Variants in SLC1A3 observed in about 807,000 individuals in gnomAD.
SLC1A3 encodes solute carrier family 1 member 3.
A neutral mutation model predicts 48.1 loss-of-function variants in SLC1A3; 21 were observed. The observed-to-expected ratio is 0.44, with a 90% CI of 0.31 to 0.63. The LOEUF (loss-of-function observed/expected upper bound fraction) is 0.63, where lower values mean the gene tolerates loss of function less well. SLC1A3 is among the 20% of genes least tolerant of loss of function. The probability of loss-of-function intolerance (pLI) is 0.08; values close to 1 mark genes in which losing one functional copy is unlikely to be tolerated. For synonymous variants in SLC1A3, 239 were observed against 251.4 expected (o/e 0.95, Z 0.47); for missense variants, 546 against 689.0 (o/e 0.79, Z 2.32).
chr5:36,659,346 A>G (rs1741413433), intron 3 of SLC1A3, among the ~76,000 whole-genome samples: 1 of 152,242 alleles, frequency 6.6e-6, no homozygotes, highest in Non-Finnish European at 1.5e-5. Flanking sequence ...AGTGCCTGGC[A>G]GTAGGCTCTA....
At chr5:36,637,150 G>T (rs1740425842) in intron 3 of SLC1A3, among the ~76,000 whole-genome samples, 1 of 152,180 alleles carries the variant, frequency 6.6e-6, no homozygotes, top group Non-Finnish European at 1.5e-5. Context: ...TGCTCCCAGA[G>T]CTGATCCTGG....
chr5:36,620,202 A>G (rs529311390), intron 2 of SLC1A3, among the ~76,000 whole-genome samples: 1 of 152,290 alleles, frequency 6.6e-6, no homozygotes, highest in African/African-American at 2.4e-5. Flanking sequence ...TACAGGTTTG[A>G]TGTGAAAATT....
intron 2 of SLC1A3, chr5:36,612,862 C>G (rs184523453): frequency 2.2e-6 from 1 of 455,790 alleles, no homozygotes; most frequent in Admixed American, 2.4e-5. Context: ...TGCTATAACA[C>G]CCATTCTGGC....
intron 3 of SLC1A3, 143 bp downstream of exon 3, chr5:36,629,730 G>GTACT (rs1740064427): frequency 1.3e-6 from 1 of 772,670 alleles, no homozygotes; most frequent in South Asian, 1.5e-5. Flanking sequence ...CAAAATGATG[G>GTACT]AAAGGAGGCT....
intron 3 of SLC1A3, among the ~76,000 whole-genome samples, chr5:36,636,600 CTTT>C (rs11292001): frequency 1.2e-4 from 13 of 107,740 alleles, no homozygotes; most frequent in Non-Finnish European, 2.1e-4. Flanking sequence ...TTTCTTCTTT[CTTT>C]TTTTTTTTTT....
chr5:36,651,686 G>T (rs979605439), intron 3 of SLC1A3, among the ~76,000 whole-genome samples: 1 of 151,824 alleles, frequency 6.6e-6, no homozygotes, highest in African/African-American at 2.4e-5. Context: ...ACACAGTACA[G>T]TTAGGCAGCC....
intron 3 of SLC1A3, among the ~76,000 whole-genome samples, chr5:36,652,297 C>T (rs1012513575): frequency 6.7e-6 from 1 of 149,658 alleles, no homozygotes; most frequent in Non-Finnish European, 1.5e-5. Context: ...GCACTCCCAG[C>T]TCCAAGTGGC....
At chr5:36,606,326 T>C (rs963419505), upstream of SLC1A3, 6 of 152,278 alleles carry the variant, frequency 3.9e-5, no homozygotes, top group African/African-American at 1.4e-4. Context: ...AACGTTCTAA[T>C]CAAGACTTTC....
At chr5:36,629,668 T>A in intron 3 of SLC1A3, 81 bp downstream of exon 3, 1 of 1,259,526 alleles carries the variant, frequency 7.9e-7, no homozygotes, top group Non-Finnish European at 1.2e-6. Flanking sequence ...GCCAGTGCTT[T>A]AGGTTTCTGC....
At chr5:36,637,737 G>A (rs1378677014) in intron 3 of SLC1A3, among the ~76,000 whole-genome samples, 2 of 152,070 alleles carry the variant, frequency 1.3e-5, no homozygotes, top group East Asian at 3.9e-4. Context: ...GCAGGTTGGG[G>A]TTGGAGGTGG....
At chr5:36,650,239 T>C (rs940808319) in intron 3 of SLC1A3, among the ~76,000 whole-genome samples, 8 of 152,202 alleles carry the variant, frequency 5.3e-5, no homozygotes, top group Admixed American at 3.3e-4. Flanking sequence ...GGATTGTCTA[T>C]AGTCTGAGGG....
At chr5:36,659,504 A>G (rs1325864195) in intron 3 of SLC1A3, among the ~76,000 whole-genome samples, 1 of 152,208 alleles carries the variant, frequency 6.6e-6, no homozygotes, top group Non-Finnish European at 1.5e-5. Context: ...TGAATTCTCA[A>G]AAACATCCAT....
chr5:36,655,746 T>C lies in SLC1A3; in HGVS notation c.320-15283T>C, dbSNP rs76394284. 7.4e-3 allele frequency among the ~76,000 whole-genome samples: 1,130 copies of C among 152,304 alleles called. 18 individuals are homozygous for C. Among genetic ancestry groups the C allele is most frequent in the African/African-American group, 0.026 (1,088 of 41,556 alleles). On this transcript the variant is annotated intron_variant, in intron 3 of 9. Coordinates refer to ENST00000265113, the MANE Select transcript of SLC1A3 (RefSeq NM_004172.5). The stretch of plus-strand genomic sequence containing the variant: ...GTCATTTTATACATCATCAAGCCTT[T>C]TGGGTTCCTTGACCTCACTCACCAG...
At position 36,680,449 on chromosome 5, in the gene SLC1A3, C is replaced by T. The variant is rs559131577; in HGVS notation, c.1149C>T (p.Asp383=). ...FKCLEENNGV[D]KRVTRFVLPV... is the part of the protein sequence containing the mutation. ...GCCTGGAAGAGAACAATGGCGTGGACAAGCGCGTCACCAGATTCGTGCTCC... is the reference window on the plus strand; with the variant it reads ...GCCTGGAAGAGAACAATGGCGTGGATAAGCGCGTCACCAGATTCGTGCTCC... Residue 383 remains aspartate, a synonymous_variant, in exon 8 of 10, where the codon GAC becomes GAT. Coordinates refer to ENST00000265113, the MANE Select transcript of SLC1A3 (RefSeq NM_004172.5). The T allele has an allele frequency of 1.9e-5, 31 of 1,614,198 alleles. No individual in the cohort carries two copies. The African/African-American group carries it at 4.0e-4, about 21-fold the overall frequency.
upstream of SLC1A3, among the ~76,000 whole-genome samples, chr5:36,602,138 A>C (rs555447222): frequency 6.6e-6 from 1 of 152,204 alleles, no homozygotes; most frequent in South Asian, 2.1e-4. Context: ...CCCCAGAAGA[A>C]ATAACAGATT....
At chr5:36,630,188 A>G (rs1463373018) in intron 3 of SLC1A3, 1 of 155,600 alleles carries the variant, frequency 6.4e-6, no homozygotes, top group Non-Finnish European at 1.4e-5. Context: ...GGGGCGGGAG[A>G]TTTTCCCATC....
At chr5:36,656,387 G>A (rs1482877688) in intron 3 of SLC1A3, among the ~76,000 whole-genome samples, 1 of 152,120 alleles carries the variant, frequency 6.6e-6, no homozygotes, top group East Asian at 1.9e-4. Flanking sequence ...GTGGTATGTG[G>A]CCTCTAGATT....
chr5:36,674,927 C>G (rs1742143663), intron 5 of SLC1A3, among the ~76,000 whole-genome samples: 1 of 152,136 alleles, frequency 6.6e-6, no homozygotes, highest in Admixed American at 6.5e-5. Context: ...ATACCTTTTA[C>G]CATTAGAAGA....
chr5:36,662,639 G>A (rs1237674566), intron 3 of SLC1A3, among the ~76,000 whole-genome samples: 1 of 152,232 alleles, frequency 6.6e-6, no homozygotes, highest in African/African-American at 2.4e-5. Context: ...GGGTAAATGG[G>A]TATCCAAATC....
Sources: gnomAD v4.1 joint callset for allele counts (sites outside exome capture counted in the v4.1 genomes callset) on GRCh38, gnomAD v4.1.1 for gene constraint, MANE v1.5 for transcripts, NCBI Gene and HGNC (gene_info 2026-07-23, HGNC 2026-07-21) for gene names.